ZNF280C: variants seen among roughly 807,000 people sequenced by gnomAD.
ZNF280C encodes the protein suppressor of hairy wing homolog 3.
Under a neutral mutation model 53.6 loss-of-function variants are expected in ZNF280C, and 14 were observed. The ratio of observed to expected loss-of-function variants is 0.26; its 90% CI spans 0.17 to 0.41. The LOEUF is 0.41. Among genes scored for constraint, ZNF280C ranks in the 10% least tolerant of loss-of-function variants. ZNF280C has a pLI of 1.00. For synonymous variants in ZNF280C, 203 were observed against 181.1 expected, an observed-to-expected ratio of 1.12 and a Z score of -0.97; for missense variants, 416 against 547.1, an observed-to-expected ratio of 0.76 and a Z score of 2.39.
intron 12 of ZNF280C, among the ~76,000 whole-genome samples, chrX:130,222,662 G>T (rs2032180521): frequency 8.9e-6 from 1 of 111,810 alleles, no homozygotes. Context: ...GATCACAGAT[G>T]ATACTTTTTT....
At chrX:130,252,944 G>A (rs757826038) in intron 2 of ZNF280C, among the ~76,000 whole-genome samples, 2 of 111,239 alleles carry the variant, frequency 1.8e-5, no homozygotes, top group Non-Finnish European at 3.8e-5. Flanking sequence ...AGAAATAGAC[G>A]GCATCCACAT....
chrX:130,231,776 C>T (rs1414431132), intron 8 of ZNF280C, among the ~76,000 whole-genome samples: 3 of 111,211 alleles, frequency 2.7e-5, no homozygotes, highest in African/African-American at 9.8e-5. Context: ...CCTATAATCC[C>T]AGCACTTTGG....
chrX:130,211,782 T>C (rs964308262), intron 15 of ZNF280C, among the ~76,000 whole-genome samples: 3 of 111,673 alleles, frequency 2.7e-5, no homozygotes, highest in African/African-American at 9.8e-5. Context: ...GGGGATAGAA[T>C]GGGGCTGAAG....
At chrX:130,205,022 A>ATT in intron 18 of ZNF280C, 30 bp from the exon 19 acceptor site, 1 of 1,019,142 alleles carries the variant, frequency 9.8e-7, no homozygotes, top group Non-Finnish European at 1.3e-6. Flanking sequence ...AAACTTTAAT[A>ATT]TTTTTCATTT....
intron 10 of ZNF280C, 94 bp from the exon 11 acceptor site, chrX:130,227,876 A>G: frequency 2.0e-6 from 1 of 487,918 alleles, no homozygotes; most frequent in South Asian, 3.3e-5. Flanking sequence ...TAATAGTAGA[A>G]GTAACAGTGA....
At chrX:130,223,057 A>C (rs2032185795) in intron 12 of ZNF280C, among the ~76,000 whole-genome samples, 1 of 110,054 alleles carries the variant, frequency 9.1e-6, no homozygotes, top group South Asian at 3.8e-4. Context: ...TTTTTGGGTT[A>C]TATGAGGAAT....
chrX:130,256,075 T>A (rs905209516), intron 2 of ZNF280C, among the ~76,000 whole-genome samples: 1 of 111,105 alleles, frequency 9.0e-6, no homozygotes, highest in Non-Finnish European at 1.9e-5. Context: ...GGGGCTGCAG[T>A]GAGCCATGAA....
At chrX:130,265,802 G>A (rs764334596) in intron 1 of ZNF280C, among the ~76,000 whole-genome samples, 60 of 112,444 alleles carry the variant, frequency 5.3e-4, no homozygotes, top group African/African-American at 1.9e-3. Context: ...ACAGTACTTT[G>A]CACTATTTTT....
At chrX:130,233,996 CAAAG>C (rs2124705876) in intron 8 of ZNF280C, among the ~76,000 whole-genome samples, 1 of 109,565 alleles carries the variant, frequency 9.1e-6, no homozygotes, top group South Asian at 3.8e-4. Context: ...AAAAAAAGGA[CAAAG>C]AAAGCATAAC....
chrX:130,231,265 T>C (rs1312318031), intron 8 of ZNF280C, among the ~76,000 whole-genome samples: 3 of 111,686 alleles, frequency 2.7e-5, no homozygotes, highest in Non-Finnish European at 5.6e-5. Flanking sequence ...CACTTGTATG[T>C]TCATTGCAGC....
intron 2 of ZNF280C, among the ~76,000 whole-genome samples, chrX:130,251,309 A>G (rs2032507072): frequency 9.9e-6 from 1 of 101,274 alleles, no homozygotes; most frequent in African/African-American, 3.6e-5. Context: ...AAAAAAAAAG[A>G]CCAGCAATAT....
chrX:130,209,831 G>A (rs2032021933), intron 15 of ZNF280C, 116 bp from the exon 16 acceptor site: 1 of 584,497 alleles, frequency 1.7e-6, no homozygotes, highest in Non-Finnish European at 2.7e-6. Flanking sequence ...AAAAGATCAT[G>A]ATCTAAATAA....
intron 5 of ZNF280C, among the ~76,000 whole-genome samples, chrX:130,243,307 C>T (rs983386633): frequency 3.6e-5 from 4 of 111,356 alleles, no homozygotes; most frequent in Admixed American, 9.6e-5. Flanking sequence ...CTCAGCCTCC[C>T]GAGTAGCTGG....
intron 2 of ZNF280C, among the ~76,000 whole-genome samples, chrX:130,256,333 G>A (rs1167789996): frequency 1.8e-5 from 2 of 111,463 alleles, no homozygotes; most frequent in African/African-American, 6.5e-5. Flanking sequence ...CCACTCCCAG[G>A]AAGGTGCCAA....
At chrX:130,247,036 A>AT in intron 2 of ZNF280C, 31 bp from the exon 3 acceptor site, 4 of 1,166,443 alleles carry the variant, frequency 3.4e-6, no homozygotes, top group Non-Finnish European at 4.6e-6. Flanking sequence ...AGCTAACTTT[A>AT]TTTTCAAAGA....
At chrX:130,266,696 T>C (rs2032692229) in intron 1 of ZNF280C, among the ~76,000 whole-genome samples, 1 of 111,166 alleles carries the variant, frequency 9.0e-6, no homozygotes, top group Non-Finnish European at 1.9e-5. Context: ...ATGAATAAAG[T>C]CTAGACGAAT....
intron 2 of ZNF280C, among the ~76,000 whole-genome samples, chrX:130,258,605 T>C (rs2032598920): frequency 8.9e-6 from 1 of 112,299 alleles, no homozygotes; most frequent in Non-Finnish European, 1.9e-5. Flanking sequence ...GACCCTTTTT[T>C]CCAAATACCT....
chrX:130,234,686 C>T (rs2032313060), intron 8 of ZNF280C, among the ~76,000 whole-genome samples: 1 of 111,638 alleles, frequency 9.0e-6, no homozygotes, highest in Non-Finnish European at 1.9e-5. Context: ...TTTGCCCCTT[C>T]CTGTCATTTA....
intron 3 of ZNF280C, among the ~76,000 whole-genome samples, chrX:130,245,538 A>T (rs972775199): frequency 8.9e-6 from 1 of 111,842 alleles, no homozygotes; most frequent in Non-Finnish European, 1.9e-5. Flanking sequence ...GATAAAACTG[A>T]GTAGAAATGC....
Sources: gnomAD v4.1 joint callset for allele counts (sites outside exome capture counted in the v4.1 genomes callset) on GRCh38, gnomAD v4.1.1 for gene constraint, MANE v1.5 for transcripts, NCBI Gene and HGNC (gene_info 2026-07-23, HGNC 2026-07-21) for gene names.